SNX31: variants seen among roughly 807,000 people sequenced by gnomAD.
SNX31 encodes the protein sorting nexin 31, also known as sorting nexin-31.
Under a neutral mutation model 65.4 loss-of-function variants are expected in SNX31, and 58 were observed. The observed-to-expected ratio is 0.89, with a 90% confidence interval of 0.72 to 1.10. The LOEUF (loss-of-function observed/expected upper bound fraction) is 1.10, where lower values mean the gene tolerates loss of function less well. Among genes scored for constraint, SNX31 ranks in the 50% least tolerant of loss-of-function variants. The pLI, the probability that SNX31 is intolerant of heterozygous loss-of-function variation, is 0.00. For missense variants in SNX31, 523 were observed against 529.7 expected (o/e 0.99, Z 0.12); for synonymous variants, 181 against 190.1 (o/e 0.95, Z 0.39).
In SNX31 at chr8:100,596,745, G is replaced by A. The variant is rs1815129197; in HGVS notation, c.872C>T (p.Ser291Phe). 1 of 1,614,018 alleles carries A rather than the reference G, an allele frequency of 6.2e-7. No individual in the cohort carries two copies. Among genetic ancestry groups the A allele is most frequent in the African/African-American group, 1.3e-5 (1 of 74,894 alleles). ...GCAGCTGATCTCATTATTGCCAACA[G>A]AAAGAACAGCTCCAGAGCCTGATTC... is the stretch of plus-strand genomic sequence containing the variant. ...YPESGSGAVL[S>F]VGNNEISCCI... The change falls in exon 10 of 14, where the codon TCT becomes TTT. Residue 291 changes from serine to phenylalanine, a missense_variant. Physicochemically the swap from Ser to Phe is radical, Grantham distance 155. Coordinates refer to ENST00000311812, the MANE Select transcript of SNX31 (RefSeq NM_152628.4).
At position 100,625,605 on chromosome 8, in the gene SNX31, G is replaced by A. The variant is rs955287411; in HGVS notation, c.321+4722C>T. Among the ~76,000 whole-genome samples, 12 of 152,170 alleles carry A rather than the reference G, an allele frequency of 7.9e-5. No homozygotes were observed. The highest frequency in any genetic ancestry group is 1.8e-4 in the Non-Finnish European group (12 of 68,026). Reference sequence around the variant, plus strand: ...AGAAGCAAACAGAAAACAATGAAAAGGAAAGCATCCTTGAAGAAACTTACA... The same window carrying A: ...AGAAGCAAACAGAAAACAATGAAAAAGAAAGCATCCTTGAAGAAACTTACA... On this transcript the variant is annotated intron_variant, in intron 4 of 13. Coordinates refer to ENST00000311812, the MANE Select transcript of SNX31 (RefSeq NM_152628.4). The surrounding 1 kb of genome is among the most constrained non-coding windows in gnomAD (Gnocchi z 4.2).
intron 1 of SNX31, among the ~76,000 whole-genome samples, chr8:100,655,749 A>G (rs1587113470): frequency 6.6e-6 from 1 of 152,074 alleles, no homozygotes; most frequent in South Asian, 2.1e-4. Flanking sequence ...CTGGGGAGGG[A>G]GGCAGCCTGA....
At chr8:100,585,789 A>G (rs1813989382) in intron 11 of SNX31, among the ~76,000 whole-genome samples, 1 of 152,248 alleles carries the variant, frequency 6.6e-6, no homozygotes, top group Non-Finnish European at 1.5e-5. Flanking sequence ...TAAGATGCAG[A>G]CCAATTCCAT....
intron 2 of SNX31, among the ~76,000 whole-genome samples, chr8:100,638,094 C>CGGG (rs1818905088): frequency 6.6e-6 from 1 of 152,134 alleles, no homozygotes; most frequent in African/African-American, 2.4e-5. Context: ...TGCTTGAGCC[C>CGGG]AGGAGTTCAA....
intron 8 of SNX31, among the ~76,000 whole-genome samples, chr8:100,601,794 G>A (rs1362039300): frequency 1.3e-5 from 2 of 152,174 alleles, no homozygotes; most frequent in African/African-American, 4.8e-5. Flanking sequence ...GGCAGAAATC[G>A]CCTTGAAGGC....
intron 4 of SNX31, among the ~76,000 whole-genome samples, chr8:100,623,516 C>A (rs1047676284): frequency 8.5e-5 from 13 of 152,196 alleles, no homozygotes; most frequent in Non-Finnish European, 1.8e-4. Context: ...CTCCCTCCTT[C>A]CCACCAGCTA....
chr8:100,639,854 G>A (rs13250521), intron 2 of SNX31, among the ~76,000 whole-genome samples: 72,450 of 151,802 alleles, frequency 0.48, 17,556 homozygotes, highest in African/African-American at 0.55. Flanking sequence ...AAATATATAA[G>A]ATGGGCCTGG....
intron 10 of SNX31, among the ~76,000 whole-genome samples, chr8:100,595,081 A>T (rs10111522): frequency 0.09 from 13,669 of 152,254 alleles, 1,859 homozygotes; most frequent in African/African-American, 0.29. Flanking sequence ...TTCTACCCAA[A>T]ATGGAAGGCA....
intron 1 of SNX31, among the ~76,000 whole-genome samples, chr8:100,656,013 G>A (rs1193737759): frequency 6.6e-6 from 1 of 152,134 alleles, no homozygotes; most frequent in African/African-American, 2.4e-5. Context: ...GGCCTGGGTG[G>A]CATCATCTGT....
At chr8:100,632,242 A>G (rs1818461141) in intron 3 of SNX31, among the ~76,000 whole-genome samples, 1 of 152,212 alleles carries the variant, frequency 6.6e-6, no homozygotes, top group Non-Finnish European at 1.5e-5. Flanking sequence ...CGAACCCTCA[A>G]GCACGGTGAT....
intron 1 of SNX31, among the ~76,000 whole-genome samples, chr8:100,658,475 G>C (rs1809708206): frequency 6.6e-6 from 1 of 152,246 alleles, no homozygotes; most frequent in Admixed American, 6.5e-5. Context: ...GCATTAGCCA[G>C]TATTTAAGAG....
intron 2 of SNX31, among the ~76,000 whole-genome samples, chr8:100,645,013 T>G (rs1418702269): frequency 6.6e-6 from 1 of 152,238 alleles, no homozygotes. Flanking sequence ...CTGGCTGAGA[T>G]GGAGTAGAGG....
intron 3 of SNX31, among the ~76,000 whole-genome samples, chr8:100,634,909 T>TG (rs1818651045): frequency 6.6e-6 from 1 of 151,426 alleles, no homozygotes; most frequent in Admixed American, 6.6e-5. Flanking sequence ...AATTTTTTTT[T>TG]TTAATTGGCC....
Position 100,635,997 on chromosome 8 carries a change from A to G in SNX31, c.156T>C (p.Phe52=). The G allele has an allele frequency of 6.2e-7, 1 of 1,614,040 alleles. No homozygotes were observed. The highest frequency in any genetic ancestry group is 8.5e-7 in the Non-Finnish European group (1 of 1,179,914). ...HGWNEQLRRV[F]GNCLPPFPPK... ...GTGGGAAGGGTGGCAGGCAATTTCC[A>G]AAGACCCGCCTTAGCTGAAAGATCC... Residue 52 remains phenylalanine (F), a synonymous_variant, in exon 3 of 14, where the codon TTT becomes TTC. Transcript: ENST00000311812.
In SNX31 at chr8:100,628,230, C is replaced by T. The variant is rs57044332; in HGVS notation, c.321+2097G>A. On this transcript the variant is annotated intron_variant, in intron 4 of 13. Coordinates refer to ENST00000311812, the MANE Select transcript of SNX31 (RefSeq NM_152628.4). ...AGAAATATCATTTGACCCAGCCATC[C>T]CATTACTGGGTATATACCCAAAGGA... is the stretch of plus-strand genomic sequence containing the variant. Among the ~76,000 whole-genome samples, 1,089 of 152,146 alleles carry T rather than the reference C, an allele frequency of 7.2e-3. 18 individuals are homozygous for T. The highest frequency in any genetic ancestry group is 0.025 in the African/African-American group (1,048 of 41,490).
rs189653463 is a variant in SNX31 at position 100,604,903 on chromosome 8, T to C, written c.681+3591A>G. Among the ~76,000 whole-genome samples the C allele has an allele frequency of 5.3e-5, 8 of 152,240 alleles. No individual in the cohort carries two copies. Among genetic ancestry groups the C allele is most frequent in the African/African-American group, 1.4e-4 (6 of 41,524 alleles). On this transcript the variant is annotated intron_variant, in intron 8 of 13. Coordinates refer to ENST00000311812, the MANE Select transcript of SNX31 (RefSeq NM_152628.4). This position sits in a 1 kb window ranked among gnomAD's most constrained non-coding sequence, Gnocchi z 4.3. ...AAAGAATGACTGCTTCTTAGTCTTT[T>C]TTTTTCTTTTTTTTTGACAGAGTCT...
chr8:100,620,681 C>T (rs1817617884), intron 4 of SNX31, among the ~76,000 whole-genome samples: 1 of 152,122 alleles, frequency 6.6e-6, no homozygotes, highest in African/African-American at 2.4e-5. Context: ...AGATTGTGAT[C>T]CTGATCATTG....
intron 4 of SNX31, among the ~76,000 whole-genome samples, chr8:100,627,893 G>T (rs1445728328): frequency 1.3e-5 from 2 of 150,080 alleles, no homozygotes; most frequent in African/African-American, 2.4e-5. Context: ...AAATTTACAA[G>T]AAAAAAACAA....
intron 3 of SNX31, among the ~76,000 whole-genome samples, chr8:100,633,875 T>A (rs1441456671): frequency 6.6e-6 from 1 of 152,128 alleles, no homozygotes; most frequent in Non-Finnish European, 1.5e-5. Context: ...TAAACCAAAC[T>A]TTCAGAATAA....
Sources: allele counts gnomAD v4.1 joint callset (sites outside exome capture counted in the v4.1 genomes callset), GRCh38; gene constraint gnomAD v4.1.1; non-coding constraint Gnocchi (gnomAD v3.1); transcripts MANE v1.5; gene names NCBI Gene and HGNC (gene_info 2026-07-23, HGNC 2026-07-21).